Variants in COL5A3 observed in about 807,000 individuals in gnomAD.
The protein encoded by COL5A3 is collagen type V alpha 3 chain.
COL5A3 carries 172 observed loss-of-function variants against 250.0 expected under a neutral mutation model. The ratio of observed to expected loss-of-function variants is 0.69; its 90% confidence interval spans 0.61 to 0.78. The LOEUF is 0.78. COL5A3 is among the 30% of genes least tolerant of loss of function. The pLI is 0.00. For missense variants in COL5A3, 2,340 were observed against 2,334.4 expected (o/e 1.00, Z -0.05); for synonymous variants, 937 against 900.4 (o/e 1.04, Z -0.73).
Position 9,996,707 on chromosome 19 carries a change from G to T in COL5A3, c.1264-18C>A. ...GCAGGGCCCTGAGAGAGGGATGGGG[G>T]AAGAGAGGTGGAGACAGGGAGAGAG... On this transcript the variant is annotated intron_variant, in intron 11 of 66. Transcript: ENST00000264828. The T allele has an allele frequency of 6.3e-7, 1 of 1,588,684 alleles. No individual in the cohort carries two copies.
chr19:10,003,298 A>G (rs921203113), intron 6 of COL5A3, among the ~76,000 whole-genome samples: 1 of 152,174 alleles, frequency 6.6e-6, no homozygotes, highest in Non-Finnish European at 1.5e-5. Flanking sequence ...CTAGTGCCCC[A>G]GGACTGGAGA....
At position 10,004,027 on chromosome 19, in the gene COL5A3, A is replaced by G. The variant is rs571267579; in HGVS notation, c.699+14T>C. 3.8e-6 allele frequency: 6 copies of G among 1,588,836 alleles called. No individual in the cohort carries two copies. Among genetic ancestry groups the G allele is most frequent in the Non-Finnish European group, 5.2e-6 (6 of 1,156,854 alleles). ...TGTGTCCTGAGATTAGGAGTCATGG[A>G]GTCCCTCACTCACCACTGTGGCTGC... On this transcript the variant is annotated intron_variant, in intron 5 of 66. Transcript: ENST00000264828.
chr19:9,979,910 A>G lies in COL5A3; in HGVS notation c.2659-18T>C. 6.4e-7 allele frequency: 1 copy of G among 1,570,086 alleles called. No homozygotes were observed. The highest frequency in any genetic ancestry group is 8.6e-7 in the Non-Finnish European group (1 of 1,165,128). ...TGGTGACCCTGGGGGATGAGGTGGG[A>G]AAAAGTTGGGGCACAGATACAGGGC... On this transcript the variant is annotated intron_variant, in intron 36 of 66. Coordinates refer to ENST00000264828, the MANE Select transcript of COL5A3 (RefSeq NM_015719.4).
chr19:10,010,196 C>G (rs551818997), intron 1 of COL5A3, 102 bp downstream of exon 1: 1 of 830,892 alleles, frequency 1.2e-6, no homozygotes, highest in African/African-American at 1.8e-5. Flanking sequence ...GCGGCGCCCA[C>G]GCCCTTCCCC....
In COL5A3 at chr19:10,009,161, G is replaced by GGGT. The variant is rs1555742844; in HGVS notation, c.88+1136_88+1137insACC. 1.4e-5 allele frequency among the ~76,000 whole-genome samples: 2 copies of GGGT among 140,348 alleles called. No homozygotes were observed. Among genetic ancestry groups the GGGT allele is most frequent in the African/African-American group, 2.6e-5 (1 of 37,786 alleles). The allele number at this position is 140,348 out of a possible 152,430, so 92.1% of individuals were successfully genotyped here. On this transcript the variant is annotated intron_variant, in intron 1 of 66. Coordinates refer to ENST00000264828, the MANE Select transcript of COL5A3 (RefSeq NM_015719.4). The surrounding 1 kb of genome is among the most constrained non-coding windows in gnomAD (Gnocchi z 4.4). ...GACTCCAAAGTAAGAAGTGTGCTGTGGTGTGTGTGTGTGTGTGTGTGTGTG... is the reference window on the plus strand; with the variant it reads ...GACTCCAAAGTAAGAAGTGTGCTGTGGGTGTGTGTGTGTGTGTGTGTGTGTGTG...
rs1423779345 is a variant in COL5A3 at position 10,010,391 on chromosome 19, C to A, written c.-6G>T. The A allele has an allele frequency of 8.4e-6, 12 of 1,424,586 alleles. No individual in the cohort carries two copies. The highest frequency in any genetic ancestry group is 6.0e-5 in the African/African-American group (4 of 67,124). 88.2% of individuals were successfully genotyped at this position (1,424,586 alleles called of 1,614,324 possible). The stretch of plus-strand genomic sequence containing the variant: ...AGGTCCCGGCGGTTCCCCATCCCGG[C>A]GGGGCCCACGGGCAAGGCGGGGAAC... On this transcript the variant is annotated 5_prime_UTR_variant, in exon 1 of 67. Transcript: ENST00000264828.
chr19:9,988,980 T>G (rs1599555400), intron 27 of COL5A3, 144 bp downstream of exon 27: 15 of 793,242 alleles, frequency 1.9e-5, no homozygotes, highest in Admixed American at 3.9e-5. Context: ...TCCTTGGCTG[T>G]GCAGCTCCAA....
In COL5A3 at chr19:10,006,980, C is replaced by T. The variant is rs566124107; in HGVS notation, c.89-749G>A. Among the ~76,000 whole-genome samples, 14 of 151,496 alleles carry T rather than the reference C, an allele frequency of 9.2e-5. No homozygotes were observed. The South Asian group carries it at 2.9e-3, about 32-fold the overall frequency. ...ATGAACTTCCTCTCTCAGACTTTGCCCTCTGACCTCCTCCCTCTGAATGTC... is the reference window on the plus strand; with the variant it reads ...ATGAACTTCCTCTCTCAGACTTTGCTCTCTGACCTCCTCCCTCTGAATGTC... On this transcript the variant is annotated intron_variant, in intron 1 of 66. Transcript: ENST00000264828.
At chr19:9,962,964 C>G in intron 64 of COL5A3, 77 bp from the exon 65 acceptor site, 2 of 1,069,226 alleles carry the variant, frequency 1.9e-6, no homozygotes, top group Non-Finnish European at 2.8e-6. Context: ...TCCCTCCTCA[C>G]ACAGTAGGCT....
chr19:9,999,185 C>T (rs1428614505), intron 8 of COL5A3, among the ~76,000 whole-genome samples: 8 of 115,726 alleles, frequency 6.9e-5, no homozygotes, highest in African/African-American at 2.8e-4. Context: ...CTCTTGCTTG[C>T]TTGCTTTGCT....
intron 8 of COL5A3, among the ~76,000 whole-genome samples, chr19:9,998,509 C>T (rs1374049488): frequency 6.6e-6 from 1 of 152,076 alleles, no homozygotes; most frequent in South Asian, 2.1e-4. Flanking sequence ...ATGAATGACG[C>T]CTGTGTATAT....
At chr19:9,986,276 C>G (rs1176211451) in intron 30 of COL5A3, 39 bp downstream of exon 30, 1 of 1,354,510 alleles carries the variant, frequency 7.4e-7, no homozygotes, top group Non-Finnish European at 1.0e-6. Flanking sequence ...ATTGGGGACA[C>G]CTTGACTGTG....
chr19:9,968,180 C>A lies in COL5A3; in HGVS notation c.4315-101G>T. 8.3e-7 allele frequency: 1 copy of A among 1,209,126 alleles called. No individual in the cohort carries two copies. Among genetic ancestry groups the A allele is most frequent in the Non-Finnish European group, 1.2e-6 (1 of 854,512 alleles). 74.9% of individuals were successfully genotyped at this position (1,209,126 alleles called of 1,614,324 possible). On this transcript the variant is annotated intron_variant, in intron 59 of 66. Transcript: ENST00000264828. This position sits in a 1 kb window ranked among gnomAD's most constrained non-coding sequence, Gnocchi z 4.1. ...ATCCTACCAAAGGAAGACCCCGAAC[C>A]CTAGACAAGCCTCCAGTTCCCCCAC...
chr19:9,993,458 C>T, intron 18 of COL5A3, 25 bp from the exon 19 acceptor site: 1 of 1,613,482 alleles, frequency 6.2e-7, no homozygotes, highest in Non-Finnish European at 8.5e-7. Flanking sequence ...GAGGGGAGTT[C>T]AGAGTGGAAG....
intron 31 of COL5A3, among the ~76,000 whole-genome samples, chr19:9,983,883 A>AGTCAATG (rs2087057390): frequency 6.6e-6 from 1 of 151,578 alleles, no homozygotes; most frequent in Non-Finnish European, 1.5e-5. Context: ...AAGGAAAAGG[A>AGTCAATG]GTCAATGTAA....
At chr19:9,998,485 T>C (rs976400912) in intron 8 of COL5A3, among the ~76,000 whole-genome samples, 1 of 152,126 alleles carries the variant, frequency 6.6e-6, no homozygotes, top group African/African-American at 2.4e-5. Flanking sequence ...CCGGTCAACC[T>C]GTAAAGTCAG....
At chr19:9,998,996 C>T (rs1001414356) in intron 8 of COL5A3, among the ~76,000 whole-genome samples, 7 of 148,450 alleles carry the variant, frequency 4.7e-5, no homozygotes, top group African/African-American at 1.8e-4. Context: ...TTCCTTCCTT[C>T]CTTTCTTTCT....
At chr19:9,967,259 C>T (rs981329527) in intron 62 of COL5A3, 88 bp downstream of exon 62, 34 of 1,001,358 alleles carry the variant, frequency 3.4e-5, no homozygotes, top group Non-Finnish European at 4.1e-5. Context: ...GTGCTGCGCA[C>T]GGAAGGACCC....
rs868809226 is a variant in COL5A3 at position 9,989,155 on chromosome 19, G to A, written c.2114C>T (p.Pro705Leu). Residue 705 changes from proline (P) to leucine (L), a missense_variant, in exon 27 of 67, where the codon CCT (proline) becomes CTT (leucine). By Grantham distance (98) the Pro-to-Leu change is moderately conservative. Coordinates refer to ENST00000264828, the MANE Select transcript of COL5A3 (RefSeq NM_015719.4). ...TCCCCGAGGTCCAGGATAGCCCGGA[G>A]GGCCTGCCGACCCTGGTGGACCCTG... ...GAQGPPGSAG[P>L]PGYPGPRGVK... The A allele has an allele frequency of 6.2e-7, 1 of 1,614,192 alleles. No homozygotes were observed. Among genetic ancestry groups the A allele is most frequent in the South Asian group, 1.1e-5 (1 of 91,084 alleles).
Sources: gnomAD v4.1 joint callset for allele counts (sites outside exome capture counted in the v4.1 genomes callset) on GRCh38, gnomAD v4.1.1 for gene constraint, Gnocchi (gnomAD v3.1) non-coding constraint, MANE v1.5 for transcripts, NCBI Gene and HGNC (gene_info 2026-07-23, HGNC 2026-07-21) for gene names.